The following EPS8L3 variants were observed in gnomAD, a reference collection of about 807,000 sequenced individuals.
EPS8L3 encodes EPS8 signaling adaptor L3.
A neutral mutation model predicts 88.5 loss-of-function variants in EPS8L3; 80 were observed. The ratio of observed to expected loss-of-function variants is 0.90; its 90% confidence interval spans 0.75 to 1.09. The LOEUF (loss-of-function observed/expected upper bound fraction) is 1.09. EPS8L3 is among the 50% of genes least tolerant of loss of function. EPS8L3 has a pLI of 0.00. For missense variants in EPS8L3, 721 were observed against 735.2 expected, an observed-to-expected ratio of 0.98 and a Z score of 0.22; for synonymous variants, 286 against 291.0, an observed-to-expected ratio of 0.98 and a Z score of 0.18.
At chr1:109,762,593 C>A (rs1651096320) in intron 1 of EPS8L3, among the ~76,000 whole-genome samples, 1 of 151,704 alleles carries the variant, frequency 6.6e-6, no homozygotes, top group South Asian at 2.1e-4. Flanking sequence ...TTACCAACAT[C>A]CTATCAGTTT....
intron 3 of EPS8L3, chr1:109,760,042 G>A (rs1382518024): frequency 3.4e-6 from 2 of 589,388 alleles, no homozygotes; most frequent in African/African-American, 1.9e-5. Flanking sequence ...GGGCCTCCAA[G>A]TCTGAGTCTG....
At chr1:109,755,727 G>A (rs1650227005) in intron 12 of EPS8L3, among the ~76,000 whole-genome samples, 1 of 152,210 alleles carries the variant, frequency 6.6e-6, no homozygotes, top group Non-Finnish European at 1.5e-5. Context: ...GGTGAGGTAG[G>A]AGGATCGCTG....
In EPS8L3 at chr1:109,761,568, G is replaced by T. The variant is rs1325947169; in HGVS notation, c.32-9C>A. ...GTACTCCTTCCGGTGCACTACAAGG[G>T]CACAGAGCAAGGGGCGGGAGGTGGG... On this transcript the variant is annotated splice_polypyrimidine_tract_variant and intron_variant, in intron 2 of 18. Coordinates refer to ENST00000361965, the MANE Select transcript of EPS8L3 (RefSeq NM_133181.4). 4.3e-6 allele frequency: 7 copies of T among 1,613,574 alleles called. No homozygotes were observed. The highest frequency in any genetic ancestry group is 5.9e-6 in the Non-Finnish European group (7 of 1,179,796).
intron 14 of EPS8L3, 33 bp downstream of exon 14, chr1:109,752,653 G>C (rs1157697538): frequency 2.6e-6 from 4 of 1,546,334 alleles, no homozygotes; most frequent in Non-Finnish European, 3.5e-6. Flanking sequence ...CCCTCCCCAG[G>C]ACCACGCAGT....
At chr1:109,755,970 T>C (rs988851037) in intron 12 of EPS8L3, among the ~76,000 whole-genome samples, 7 of 152,280 alleles carry the variant, frequency 4.6e-5, no homozygotes, top group African/African-American at 1.7e-4. Context: ...TTCTCTGTCT[T>C]CTTAACCCTT....
At chr1:109,750,887 T>TG in intron 17 of EPS8L3, 95 bp from the exon 18 acceptor site, 1 of 1,482,748 alleles carries the variant, frequency 6.7e-7, no homozygotes, top group South Asian at 1.2e-5. Flanking sequence ...GCTCGGAGGT[T>TG]GGGGTTACAG....
At chr1:109,758,791 G>T in intron 6 of EPS8L3, 128 bp from the exon 7 acceptor site, 2 of 1,240,132 alleles carry the variant, frequency 1.6e-6, no homozygotes, top group Middle Eastern at 2.8e-4. Context: ...CTGCTCCCTG[G>T]TCTCCTTCTG....
chr1:109,753,689 C>T (rs543125443), intron 12 of EPS8L3, among the ~76,000 whole-genome samples: 22 of 152,308 alleles, frequency 1.4e-4, no homozygotes, highest in African/African-American at 3.6e-4. Context: ...CTGGGATGGG[C>T]TGGTCCTTGC....
intron 14 of EPS8L3, 124 bp from the exon 15 acceptor site, chr1:109,752,317 G>C (rs971078151): frequency 5.1e-6 from 5 of 980,012 alleles, no homozygotes; most frequent in African/African-American, 1.6e-5. Context: ...GGTTTCTTTA[G>C]AGTTTGCTGG....
In EPS8L3 at chr1:109,751,339, G is replaced by A. The variant is rs199519085; in HGVS notation, c.1576C>T (p.Arg526Ter). The A allele has an allele frequency of 3.1e-6, 5 of 1,613,528 alleles. No individual in the cohort carries two copies. Among genetic ancestry groups the A allele is most frequent in the Admixed American group, 1.7e-5 (1 of 59,962 alleles). ...GQSPSRVPML[R>*]LSSRPEEVTD... ...ACCTCTTCAGGCCTCGAGCTAAGTCGAAGCATTGGAACCTAGAATCAGGGG... is the reference window on the plus strand; with the variant it reads ...ACCTCTTCAGGCCTCGAGCTAAGTCAAAGCATTGGAACCTAGAATCAGGGG... Residue 526 changes from arginine to a stop codon, truncating the protein, a stop_gained, in exon 17 of 19, where the codon CGA becomes TGA. Coordinates refer to ENST00000361965, the MANE Select transcript of EPS8L3 (RefSeq NM_133181.4). LOFTEE classifies it high-confidence loss of function.
At chr1:109,751,584 C>T (rs762726796) in intron 16 of EPS8L3, 70 bp downstream of exon 16, 11 of 1,605,302 alleles carry the variant, frequency 6.9e-6, no homozygotes, top group Non-Finnish European at 9.4e-6. Flanking sequence ...CTCTGCTTGC[C>T]ACTGAATCCT....
chr1:109,752,026 T>C lies in EPS8L3; in HGVS notation c.1403A>G (p.Glu468Gly). The C allele has an allele frequency of 6.2e-7, 1 of 1,612,948 alleles. No individual in the cohort carries two copies. The highest frequency in any genetic ancestry group is 8.5e-7 in the Non-Finnish European group (1 of 1,179,330). The stretch of plus-strand genomic sequence containing the variant: ...CTTCTCTCCCTGGACCACAGTCAGT[T>C]CCCGTGGGTTCCTAGCTTCAAACTC... ...LYEFEARNPR[E>G]LTVVQGEKLE... The change falls in exon 15 of 19, where the codon GAA becomes GGA. Residue 468 changes from glutamate to glycine, a missense_variant. Physicochemically the swap from Glu to Gly is moderately conservative, Grantham distance 98. Coordinates refer to ENST00000361965, the MANE Select transcript of EPS8L3 (RefSeq NM_133181.4).
chr1:109,759,175 GTGTGTGT>G lies in EPS8L3; in HGVS notation c.405+56_406-59del, dbSNP rs768421171. 3 of 1,580,764 alleles carry G rather than the reference GTGTGTGT, an allele frequency of 1.9e-6. No homozygotes were observed. Among genetic ancestry groups the G allele is most frequent in the Non-Finnish European group, 2.6e-6 (3 of 1,153,518 alleles). On this transcript the variant is annotated intron_variant, in intron 5 of 18. Coordinates refer to ENST00000361965, the MANE Select transcript of EPS8L3 (RefSeq NM_133181.4). This position sits in a 1 kb window ranked among gnomAD's most constrained non-coding sequence, Gnocchi z 4.2. ...TGTGTGTGTGTGTGTGTGTGTGTGTGTGTGTGTGGTGGGGTGATGGTCGATGAACCCC... is the reference window on the plus strand; with the variant it reads ...TGTGTGTGTGTGTGTGTGTGTGTGTGGGTGGGGTGATGGTCGATGAACCCC...
At chr1:109,751,856 C>T (rs1649826011) in intron 15 of EPS8L3, 74 bp from the exon 16 acceptor site, 2 of 1,597,544 alleles carry the variant, frequency 1.3e-6, no homozygotes, top group Non-Finnish European at 8.5e-7. Flanking sequence ...AGGCTTTCTC[C>T]CTCCAGCTCT....
At chr1:109,760,226 C>T (rs1650772090) in intron 3 of EPS8L3, among the ~76,000 whole-genome samples, 1 of 152,144 alleles carries the variant, frequency 6.6e-6, no homozygotes, top group African/African-American at 2.4e-5. Context: ...TCCTTTGTTC[C>T]TTTTGGGAAC....
At chr1:109,753,668 G>A (rs1322723528) in intron 12 of EPS8L3, among the ~76,000 whole-genome samples, 1 of 152,120 alleles carries the variant, frequency 6.6e-6, no homozygotes, top group Admixed American at 6.5e-5. Flanking sequence ...AGCTGCTCCT[G>A]TTGACTGACT....
chr1:109,753,405 G>A (rs191891324), intron 12 of EPS8L3, among the ~76,000 whole-genome samples: 1 of 152,316 alleles, frequency 6.6e-6, no homozygotes. Context: ...CGGTGCAGGT[G>A]TCTGGGGGTC....
At chr1:109,761,878 AC>A in intron 1 of EPS8L3, 105 bp from the exon 2 acceptor site, 1 of 998,720 alleles carries the variant, frequency 1.0e-6, no homozygotes, top group Non-Finnish European at 1.5e-6. Flanking sequence ...GGCCTCTGGG[AC>A]CAGACCCAAA....
intron 11 of EPS8L3, 42 bp from the exon 12 acceptor site, chr1:109,757,207 C>G: frequency 6.4e-7 from 1 of 1,553,562 alleles, no homozygotes; most frequent in Non-Finnish European, 8.7e-7. Context: ...TAGGCTCCCA[C>G]AGGGCCCAGT....
Sources: gnomAD v4.1 joint callset for allele counts (sites outside exome capture counted in the v4.1 genomes callset) on GRCh38, gnomAD v4.1.1 for gene constraint, Gnocchi (gnomAD v3.1) non-coding constraint, MANE v1.5 for transcripts, NCBI Gene and HGNC (gene_info 2026-07-23, HGNC 2026-07-21) for gene names.